The following ZNF710 variants were observed in gnomAD, a reference collection of about 807,000 sequenced individuals.
ZNF710 encodes zinc finger protein 710.
A neutral mutation model predicts 50.6 loss-of-function variants in ZNF710; 13 were observed. That is an observed-to-expected ratio of 0.26 (90% CI 0.17 to 0.41). The LOEUF (loss-of-function observed/expected upper bound fraction) is 0.41, where lower values mean the gene tolerates loss of function less well. Among genes scored for constraint, ZNF710 ranks in the 10% least tolerant of loss-of-function variants. ZNF710 has a pLI of 1.00. For synonymous variants in ZNF710, 383 were observed against 397.0 expected (o/e 0.96, Z 0.42); for missense variants, 721 against 936.6 (o/e 0.77, Z 3.01).
At chr15:90,020,628 A>G (rs1405506487) in intron 1 of ZNF710, among the ~76,000 whole-genome samples, 1 of 152,210 alleles carries the variant, frequency 6.6e-6, no homozygotes, top group Non-Finnish European at 1.5e-5. Flanking sequence ...TGAGAGGCGC[A>G]GTTTGGGAGA....
At chr15:90,031,642 G>A (rs1158683148) in intron 1 of ZNF710, among the ~76,000 whole-genome samples, 2 of 152,196 alleles carry the variant, frequency 1.3e-5, no homozygotes, top group Non-Finnish European at 2.9e-5. Context: ...ACCAATTCTT[G>A]TGAGCCACTG....
Position 90,068,739 on chromosome 15 carries a change from A to G in ZNF710, c.1458+144A>G, listed in dbSNP as rs1302015058. On this transcript the variant is annotated intron_variant, in intron 2 of 4. Coordinates refer to ENST00000268154, the MANE Select transcript of ZNF710 (RefSeq NM_198526.4). The surrounding 1 kb of genome is among the most constrained non-coding windows in gnomAD (Gnocchi z 5.0). ...CTTATTTTGATGAGTATTAGAAATC[A>G]ATTAGTATTAGAAACTAATTGAAAT... is the stretch of plus-strand genomic sequence containing the variant. The G allele has an allele frequency of 1.4e-5, 13 of 958,436 alleles. No homozygotes were observed. Among genetic ancestry groups the G allele is most frequent in the Admixed American group, 2.7e-5 (1 of 36,398 alleles). 59.4% of individuals were successfully genotyped at this position (958,436 alleles called of 1,614,324 possible).
In ZNF710 at chr15:90,075,850, C is replaced by A. The variant is rs2939849; in HGVS notation, c.1825+1560C>A. 1.3e-5 allele frequency: 2 copies of A among 152,108 alleles called. 1 individual carries two copies. The highest frequency in any genetic ancestry group is 6.8e-3 in the Middle Eastern group (2 of 294). The allele number at this position is 152,108 out of a possible 1,614,324, so 9.4% of individuals were successfully genotyped here. On this transcript the variant is annotated intron_variant, in intron 4 of 4. Transcript: ENST00000268154. ...AAAATGTGGTAGGAGGATGAGCAGC[C>A]TCGGCCCCACCTGGGATCTTGCTGG...
chr15:90,068,619 GC>G lies in ZNF710; in HGVS notation c.1458+25del, dbSNP rs1247164344. The G allele has an allele frequency of 6.4e-7, 1 of 1,554,140 alleles. No individual in the cohort carries two copies. Among genetic ancestry groups the G allele is most frequent in the Non-Finnish European group, 8.7e-7 (1 of 1,151,394 alleles). ...AGGTAAGGCCGTTCCCAGGGCCTGG[GC>G]ATCTGCCTGCCCCTCCTGCCACTTT... On this transcript the variant is annotated intron_variant, in intron 2 of 4. Transcript: ENST00000268154. This position sits in a 1 kb window ranked among gnomAD's most constrained non-coding sequence, Gnocchi z 5.0.
At chr15:90,013,425 C>T (rs537858966) in intron 1 of ZNF710, among the ~76,000 whole-genome samples, 73 of 152,264 alleles carry the variant, frequency 4.8e-4, no homozygotes, top group African/African-American at 1.7e-3. Flanking sequence ...TTTTTGATTG[C>T]AAGCTTATGC....
chr15:90,027,041 CAT>C (rs753962461), intron 1 of ZNF710, among the ~76,000 whole-genome samples: 15 of 152,068 alleles, frequency 9.9e-5, no homozygotes, highest in Admixed American at 9.2e-4. Flanking sequence ...GAAACAGAAA[CAT>C]ATAAATATTA....
chr15:90,035,247 G>A (rs1899085615), intron 1 of ZNF710, among the ~76,000 whole-genome samples: 1 of 152,230 alleles, frequency 6.6e-6, no homozygotes, highest in Non-Finnish European at 1.5e-5. Flanking sequence ...CAATGGTCTT[G>A]GTCTCAAACA....
intron 1 of ZNF710, among the ~76,000 whole-genome samples, chr15:90,053,878 C>T (rs1899725292): frequency 6.6e-6 from 1 of 152,076 alleles, no homozygotes; most frequent in South Asian, 2.1e-4. Context: ...AGAAGCTTCC[C>T]TGTGGCAGGC....
In ZNF710 at chr15:90,067,953, T is replaced by C. The variant is rs1455886967; in HGVS notation, c.816T>C (p.Asp272=). The C allele has an allele frequency of 6.2e-7, 1 of 1,614,006 alleles. No homozygotes were observed. Among genetic ancestry groups the C allele is most frequent in the South Asian group, 1.1e-5 (1 of 91,090 alleles). The change falls in exon 2 of 5, where the codon GAT becomes GAC. Residue 272 remains aspartate (D), a synonymous_variant. Coordinates refer to ENST00000268154, the MANE Select transcript of ZNF710 (RefSeq NM_198526.4). This position sits in a 1 kb window ranked among gnomAD's most constrained non-coding sequence, Gnocchi z 8.1. Reference sequence around the variant, plus strand: ...AACGCCACAAGAAGGCCCAGCTGGATCGGCTGGACATCAACGTGCAGATTG... The same window carrying C: ...AACGCCACAAGAAGGCCCAGCTGGACCGGCTGGACATCAACGTGCAGATTG... ...TVERHKKAQL[D]RLDINVQIDD...
At chr15:90,008,553 CAGG>C (rs1444196420) in intron 1 of ZNF710, among the ~76,000 whole-genome samples, 1 of 150,050 alleles carries the variant, frequency 6.7e-6, no homozygotes, top group East Asian at 1.9e-4. Context: ...GAGGCCCAGG[CAGG>C]AGGATTGCTT....
At chr15:90,015,991 T>C (rs959975391) in intron 1 of ZNF710, among the ~76,000 whole-genome samples, 10 of 152,132 alleles carry the variant, frequency 6.6e-5, no homozygotes, top group Non-Finnish European at 1.3e-4. Context: ...AACTAAGACA[T>C]TTTAAGTGAG....
chr15:90,071,449 C>T (rs1164350753), intron 2 of ZNF710, among the ~76,000 whole-genome samples: 1 of 151,928 alleles, frequency 6.6e-6, no homozygotes, highest in Non-Finnish European at 1.5e-5. Flanking sequence ...TACACATCTG[C>T]GATGTGTCAG....
In ZNF710 at chr15:90,034,432, G is replaced by GTGTC. The variant is rs750585287; in HGVS notation, c.-28-32675_-28-32674insCTGT. On this transcript the variant is annotated intron_variant, in intron 1 of 4. Coordinates refer to ENST00000268154, the MANE Select transcript of ZNF710 (RefSeq NM_198526.4). This position sits in a 1 kb window ranked among gnomAD's most constrained non-coding sequence, Gnocchi z 4.0. ...GTCCTTCCTGTTTCCAAATTCCTGT[G>GTGTC]TGTGTGTGTGTGTGTGTGTGTGTGT... 1.9e-5 allele frequency among the ~76,000 whole-genome samples: 1 copy of GTGTC among 53,210 alleles called. No homozygotes were observed. Among genetic ancestry groups the GTGTC allele is most frequent in the Non-Finnish European group, 3.9e-5 (1 of 25,502 alleles). 34.9% of individuals were successfully genotyped at this position (53,210 alleles called of 152,430 possible).
intron 1 of ZNF710, among the ~76,000 whole-genome samples, chr15:90,038,035 G>C (rs913475291): frequency 7.2e-5 from 11 of 152,232 alleles, no homozygotes; most frequent in African/African-American, 2.7e-4. Context: ...GGGCCGCTAA[G>C]TGGTGCCCAG....
intron 1 of ZNF710, among the ~76,000 whole-genome samples, chr15:90,021,218 A>C (rs1480920946): frequency 1.3e-5 from 2 of 152,204 alleles, no homozygotes; most frequent in Non-Finnish European, 2.9e-5. Context: ...TCTTTTCCCC[A>C]CAGGCAGGTG....
At chr15:90,015,683 C>T (rs957034491) in intron 1 of ZNF710, among the ~76,000 whole-genome samples, 9 of 151,634 alleles carry the variant, frequency 5.9e-5, no homozygotes, top group African/African-American at 2.2e-4. Flanking sequence ...GCAGCCTCGA[C>T]CTCCCAGGCT....
chr15:90,076,014 G>A (rs113348232), intron 4 of ZNF710: 3 of 152,350 alleles, frequency 2.0e-5, no homozygotes, highest in African/African-American at 7.2e-5. Flanking sequence ...TTGAAACAAA[G>A]TGCTGGCCCC....
Position 90,067,272 on chromosome 15 carries a change from G to C in ZNF710, c.135G>C (p.Pro45=). Residue 45 remains proline (P), a synonymous_variant, in exon 2 of 5, where the codon CCG becomes CCC. Coordinates refer to ENST00000268154, the MANE Select transcript of ZNF710 (RefSeq NM_198526.4). This position sits in a 1 kb window ranked among gnomAD's most constrained non-coding sequence, Gnocchi z 8.1. ...GATISAEAFY[P]DLGPELSGAA... ...CCATAAGCGCCGAGGCCTTCTACCCGGACCTGGGGCCCGAGCTTTCAGGGG... is the reference window on the plus strand; with the variant it reads ...CCATAAGCGCCGAGGCCTTCTACCCCGACCTGGGGCCCGAGCTTTCAGGGG... The C allele has an allele frequency of 6.2e-7, 1 of 1,612,694 alleles. No homozygotes were observed. The highest frequency in any genetic ancestry group is 8.5e-7 in the Non-Finnish European group (1 of 1,179,634).
chr15:90,031,018 CAAAAAAAAAG>C (rs1261188809), intron 1 of ZNF710, among the ~76,000 whole-genome samples: 3 of 89,792 alleles, frequency 3.3e-5, no homozygotes, highest in African/African-American at 5.7e-5. Context: ...GACTCCGTCT[CAAAAAAAAAG>C]AAAAAAAAAA....
Sources: gnomAD v4.1 joint callset for allele counts (sites outside exome capture counted in the v4.1 genomes callset) on GRCh38, gnomAD v4.1.1 for gene constraint, Gnocchi (gnomAD v3.1) non-coding constraint, MANE v1.5 for transcripts, NCBI Gene and HGNC (gene_info 2026-07-23, HGNC 2026-07-21) for gene names.